Variants in SGCZ observed in about 807,000 individuals in gnomAD.
SGCZ encodes zeta-sarcoglycan.
In SGCZ, 40 loss-of-function variants were observed where a neutral mutation model predicts 41.3. That is an observed-to-expected ratio of 0.97 (90% confidence interval 0.75 to 1.26). The LOEUF is 1.26. Among genes scored for constraint, SGCZ ranks in the 50% most tolerant of loss-of-function variants. The pLI is 0.00. For synonymous variants in SGCZ, 206 were observed against 137.5 expected, an observed-to-expected ratio of 1.50 and a Z score of -3.49; for missense variants, 552 against 369.8, an observed-to-expected ratio of 1.49 and a Z score of -4.04.
At chr8:14,184,946 T>G (rs1391071274) in intron 4 of SGCZ, among the ~76,000 whole-genome samples, 1 of 152,204 alleles carries the variant, frequency 6.6e-6, no homozygotes, top group Admixed American at 6.5e-5. Context: ...ATAAAATTTT[T>G]TATCATTATG....
intron 2 of SGCZ, among the ~76,000 whole-genome samples, chr8:14,325,708 A>G (rs954217559): frequency 7.1e-6 from 1 of 140,720 alleles, no homozygotes; most frequent in South Asian, 2.2e-4. Context: ...AATTATATAT[A>G]CATATCTGTA....
At chr8:14,877,588 ATAGTG>A (rs1332961154) in intron 1 of SGCZ, among the ~76,000 whole-genome samples, 2 of 152,142 alleles carry the variant, frequency 1.3e-5, no homozygotes, top group African/African-American at 4.8e-5. Context: ...AAAATAATGA[ATAGTG>A]TAAAGATATT....
At chr8:14,808,303 A>C (rs1165122608) in intron 1 of SGCZ, among the ~76,000 whole-genome samples, 1 of 152,122 alleles carries the variant, frequency 6.6e-6, no homozygotes, top group Non-Finnish European at 1.5e-5. Context: ...CAACCTACAA[A>C]ATGGGAGAAA....
chr8:14,757,448 T>A (rs184215029), intron 1 of SGCZ, among the ~76,000 whole-genome samples: 1 of 152,196 alleles, frequency 6.6e-6, no homozygotes, highest in Non-Finnish European at 1.5e-5. Flanking sequence ...GGAGTACTGA[T>A]AGAACCACTA....
At chr8:14,403,198 A>G (rs1799125191) in intron 2 of SGCZ, among the ~76,000 whole-genome samples, 1 of 149,990 alleles carries the variant, frequency 6.7e-6, no homozygotes, top group African/African-American at 2.5e-5. Flanking sequence ...GGCTGAGACG[A>G]TGGGGTTTTC....
At chr8:14,756,788 T>C (rs1370201958) in intron 1 of SGCZ, among the ~76,000 whole-genome samples, 2 of 152,178 alleles carry the variant, frequency 1.3e-5, no homozygotes, top group Non-Finnish European at 2.9e-5. Context: ...TGTACAAACA[T>C]TGAGGAGATA....
chr8:14,801,901 A>G (rs1801333224), intron 1 of SGCZ, among the ~76,000 whole-genome samples: 1 of 152,230 alleles, frequency 6.6e-6, no homozygotes, highest in African/African-American at 2.4e-5. Context: ...AGAAACTGAC[A>G]AACTGGAAAT....
intron 1 of SGCZ, among the ~76,000 whole-genome samples, chr8:14,591,629 T>C (rs1467984776): frequency 6.6e-6 from 1 of 152,118 alleles, no homozygotes; most frequent in African/African-American, 2.4e-5. Context: ...ATTGATAACA[T>C]TAACATTTTT....
intron 1 of SGCZ, among the ~76,000 whole-genome samples, chr8:14,660,432 C>T (rs575393198): frequency 2.6e-5 from 4 of 151,734 alleles, no homozygotes; most frequent in African/African-American, 4.8e-5. Context: ...ATTAGCCAGG[C>T]GTGGTGGTGG....
intron 2 of SGCZ, among the ~76,000 whole-genome samples, chr8:14,338,755 T>C (rs1169017177): frequency 3.3e-5 from 5 of 152,198 alleles, no homozygotes; most frequent in African/African-American, 7.2e-5. Context: ...TTTTTTGCCT[T>C]TACAATAAGT....
At position 14,771,613 on chromosome 8, in the gene SGCZ, C is replaced by T. The variant is rs549803561; in HGVS notation, c.40-216687G>A. Among the ~76,000 whole-genome samples, 5 of 152,092 alleles carry T rather than the reference C, an allele frequency of 3.3e-5. No individual in the cohort carries two copies. The South Asian group carries it at 1.0e-3, about 32-fold the overall frequency. The stretch of plus-strand genomic sequence containing the variant: ...ATATTTAAAATAATGCATTGTACAA[C>T]ATAATTAGGTAACAATATATCATTT... On this transcript the variant is annotated intron_variant, in intron 1 of 7. Transcript: ENST00000382080.
intron 1 of SGCZ, among the ~76,000 whole-genome samples, chr8:15,007,891 T>C (rs1279528470): frequency 1.3e-5 from 2 of 152,218 alleles, no homozygotes; most frequent in East Asian, 1.9e-4. Flanking sequence ...GTGTTATAAA[T>C]GAAATTTTTA....
chr8:15,076,742 T>G (rs529063706), intron 1 of SGCZ, among the ~76,000 whole-genome samples: 1 of 148,374 alleles, frequency 6.7e-6, no homozygotes, highest in African/African-American at 2.5e-5. Context: ...GGAACTTAAA[T>G]AAGTCTCTCT....
chr8:14,316,274 A>G (rs1801712217), intron 3 of SGCZ, among the ~76,000 whole-genome samples: 1 of 152,056 alleles, frequency 6.6e-6, no homozygotes. Flanking sequence ...GCAATAATTC[A>G]TAGTAAAATA....
chr8:14,480,754 T>G (rs962318814), intron 2 of SGCZ, among the ~76,000 whole-genome samples: 4 of 152,076 alleles, frequency 2.6e-5, no homozygotes, highest in African/African-American at 9.6e-5. Flanking sequence ...AAGAATATAT[T>G]TATAATAACA....
At position 14,337,777 on chromosome 8, in the gene SGCZ, T is replaced by C. The variant is rs186230604; in HGVS notation, c.235-13573A>G. Among the ~76,000 whole-genome samples the C allele has an allele frequency of 2.9e-4, 44 of 152,172 alleles. 1 individual carries two copies. The East Asian group carries it at 5.6e-3, about 19-fold the overall frequency. ...CAAGAATCACCAAGAAGTCCAGTGG[T>C]ACCTCCCCTGCATGGGTCAGAGCTG... is the stretch of plus-strand genomic sequence containing the variant. On this transcript the variant is annotated intron_variant, in intron 2 of 7. Coordinates refer to ENST00000382080, the MANE Select transcript of SGCZ (RefSeq NM_139167.4).
At chr8:15,138,322 G>A (rs913369056) in intron 1 of SGCZ, among the ~76,000 whole-genome samples, 4 of 152,100 alleles carry the variant, frequency 2.6e-5, no homozygotes, top group Non-Finnish European at 4.4e-5. Flanking sequence ...ATAAGACTTT[G>A]GAGTTGGGCT....
In SGCZ at chr8:14,577,410, A is replaced by G. The variant is rs549038677; in HGVS notation, c.40-22484T>C. ...TTTTTTTTTTTTTTTTTTTTTTGAG[A>G]CAGAGTCTCACTCCGTCAGCCAGGC... On this transcript the variant is annotated intron_variant, in intron 1 of 7. Coordinates refer to ENST00000382080, the MANE Select transcript of SGCZ (RefSeq NM_139167.4). Among the ~76,000 whole-genome samples, 38 of 130,334 alleles carry G rather than the reference A, an allele frequency of 2.9e-4. No homozygotes were observed. The East Asian group carries it at 6.4e-3, about 22-fold the overall frequency. 85.5% of individuals were successfully genotyped at this position (130,334 alleles called of 152,430 possible). A position where few individuals can be genotyped will look rare whatever the true frequency, so the allele number is the denominator to read the frequency against.
intron 1 of SGCZ, among the ~76,000 whole-genome samples, chr8:14,638,070 CGTT>C (rs1806895723): frequency 6.6e-6 from 1 of 151,762 alleles, no homozygotes; most frequent in Non-Finnish European, 1.5e-5. Flanking sequence ...CGATCAGTGA[CGTT>C]GAGCATTTTT....
Sources: gnomAD v4.1 joint callset for allele counts (sites outside exome capture counted in the v4.1 genomes callset) on GRCh38, gnomAD v4.1.1 for gene constraint, MANE v1.5 for transcripts, NCBI Gene and HGNC (gene_info 2026-07-23, HGNC 2026-07-21) for gene names.